Variants in MYO18B observed in about 807,000 individuals in gnomAD.
The protein encoded by MYO18B is myosin XVIIIB, also known as unconventional myosin-XVIIIb.
Under a neutral mutation model 273.0 loss-of-function variants are expected in MYO18B, and 204 were observed. The ratio of observed to expected loss-of-function variants is 0.75; its 90% CI spans 0.67 to 0.84. The LOEUF is 0.84. MYO18B is among the 40% of genes least tolerant of loss of function. The pLI is 0.00. For synonymous variants in MYO18B, 1,330 were observed against 1,305.7 expected, an observed-to-expected ratio of 1.02 and a Z score of -0.40; for missense variants, 3,212 against 3,287.6, an observed-to-expected ratio of 0.98 and a Z score of 0.56.
intron 40 of MYO18B, among the ~76,000 whole-genome samples, chr22:25,996,831 G>T (rs1365938951): frequency 1.3e-5 from 2 of 152,130 alleles, no homozygotes; most frequent in African/African-American, 4.8e-5. Flanking sequence ...TGTCCCCCGG[G>T]AAGGTAGATG....
intron 42 of MYO18B, among the ~76,000 whole-genome samples, chr22:26,021,745 G>A (rs1290216421): frequency 6.6e-6 from 1 of 152,220 alleles, no homozygotes; most frequent in African/African-American, 2.4e-5. Context: ...TGCCAGCTGT[G>A]TGTGCTTGCA....
intron 39 of MYO18B, among the ~76,000 whole-genome samples, chr22:25,956,296 A>G (rs1260383336): frequency 6.6e-6 from 1 of 150,910 alleles, no homozygotes; most frequent in Non-Finnish European, 1.5e-5. Flanking sequence ...GCTCACTATA[A>G]TCTCCATCTC....
intron 20 of MYO18B, among the ~76,000 whole-genome samples, chr22:25,850,432 A>G (rs539591348): frequency 6.6e-6 from 1 of 152,218 alleles, no homozygotes; most frequent in East Asian, 1.9e-4. Context: ...AGGTGAATTC[A>G]TCTCTCTGGG....
intron 27 of MYO18B, 67 bp downstream of exon 27, chr22:25,891,479 C>A (rs1175984359): frequency 2.7e-6 from 3 of 1,099,324 alleles, no homozygotes; most frequent in South Asian, 2.8e-5. Flanking sequence ...TTTATTCAGT[C>A]ACTCATAGAG....
chr22:26,005,875 T>TCTGC (rs1335531730), intron 42 of MYO18B, among the ~76,000 whole-genome samples: 6 of 152,024 alleles, frequency 3.9e-5, no homozygotes, highest in Non-Finnish European at 8.8e-5. Context: ...TGTCTGCAGA[T>TCTGC]AATCTTAGGC....
At chr22:25,824,693 GA>G (rs2089422159) in intron 13 of MYO18B, among the ~76,000 whole-genome samples, 1 of 152,070 alleles carries the variant, frequency 6.6e-6, no homozygotes, top group African/African-American at 2.4e-5. Context: ...ATGTCACTTG[GA>G]CCCCATTGGC....
Position 26,027,520 on chromosome 22 carries a change from G to C in MYO18B, c.7546G>C (p.Val2516Leu). ...SDSSSSSGSI[V>L]SFKSADSIKS... is the part of the protein sequence containing the mutation. The stretch of plus-strand genomic sequence containing the variant: ...CTCGTCCTCATCCTCCGGCTCCATC[G>C]TGTCCTTCAAAAGTGCTGACAGCAT... The change falls in exon 43 of 44, where the codon GTG (valine) becomes CTG (leucine). Residue 2516 changes from valine (V) to leucine (L), a missense_variant. Val to Leu is a conservative substitution (Grantham distance 32, BLOSUM62 1). Coordinates refer to ENST00000335473, the MANE Select transcript of MYO18B (RefSeq NM_032608.7). The surrounding 1 kb of genome is among the most constrained non-coding windows in gnomAD (Gnocchi z 4.1). 1 of 1,613,956 alleles carries C rather than the reference G, an allele frequency of 6.2e-7. No homozygotes were observed. The highest frequency in any genetic ancestry group is 8.5e-7 in the Non-Finnish European group (1 of 1,179,892).
At chr22:26,024,907 A>G (rs995169568) in intron 42 of MYO18B, among the ~76,000 whole-genome samples, 1 of 152,208 alleles carries the variant, frequency 6.6e-6, no homozygotes, top group Non-Finnish European at 1.5e-5. Flanking sequence ...AGGCTGGGAA[A>G]TCTAAGATCA....
At chr22:25,818,932 C>T (rs935177738) in intron 12 of MYO18B, among the ~76,000 whole-genome samples, 3 of 152,052 alleles carry the variant, frequency 2.0e-5, no homozygotes, top group Non-Finnish European at 2.9e-5. Flanking sequence ...TGGCTTTGTG[C>T]GACAAACTGG....
intron 42 of MYO18B, among the ~76,000 whole-genome samples, chr22:26,021,057 C>T (rs1476396549): frequency 6.6e-6 from 1 of 152,134 alleles, no homozygotes; most frequent in African/African-American, 2.4e-5. Flanking sequence ...CCACTGCTCT[C>T]CAGCCTGGGT....
chr22:25,790,005 T>C (rs1201410432), intron 11 of MYO18B, among the ~76,000 whole-genome samples: 3 of 152,028 alleles, frequency 2.0e-5, no homozygotes, highest in Non-Finnish European at 4.4e-5. Flanking sequence ...ATACAAAAAT[T>C]AGCCGGACGT....
chr22:25,992,581 C>T (rs955657065), intron 40 of MYO18B, 88 bp downstream of exon 40: 47 of 1,560,422 alleles, frequency 3.0e-5, no homozygotes, highest in Non-Finnish European at 4.0e-5. Flanking sequence ...GCTGGGGCCA[C>T]ATTCACTGGG....
At chr22:25,830,444 C>G (rs1377752781) in intron 15 of MYO18B, among the ~76,000 whole-genome samples, 1 of 152,146 alleles carries the variant, frequency 6.6e-6, no homozygotes, top group Admixed American at 6.5e-5. Flanking sequence ...CAGGATGGTT[C>G]TTGAGCTTGT....
intron 34 of MYO18B, among the ~76,000 whole-genome samples, chr22:25,925,224 G>T (rs2092402458): frequency 6.6e-6 from 1 of 151,064 alleles, no homozygotes; most frequent in South Asian, 2.1e-4. Context: ...TCTGGATTCT[G>T]CCCCCTCCCC....
At chr22:26,031,420 C>A (rs148915264), downstream of MYO18B, among the ~76,000 whole-genome samples, 832 of 152,272 alleles carry the variant, frequency 5.5e-3, 10 homozygotes, top group African/African-American at 0.019. Context: ...GGCCTCTCTC[C>A]GTAGCTGGTA....
At chr22:25,905,857 G>A (rs1292297025) in intron 31 of MYO18B, among the ~76,000 whole-genome samples, 2 of 151,946 alleles carry the variant, frequency 1.3e-5, no homozygotes, top group African/African-American at 4.8e-5. Flanking sequence ...TCTTTAAAGG[G>A]CATGGATGAC....
At chr22:25,979,935 C>T (rs969798836) in intron 39 of MYO18B, among the ~76,000 whole-genome samples, 9 of 152,152 alleles carry the variant, frequency 5.9e-5, no homozygotes, top group African/African-American at 2.2e-4. Context: ...TACAAAGCCC[C>T]TTCCTCACCA....
At chr22:25,767,957 T>C (rs537189547) in intron 3 of MYO18B, among the ~76,000 whole-genome samples, 158 bp from the exon 4 acceptor site, 1 of 152,338 alleles carries the variant, frequency 6.6e-6, no homozygotes, top group African/African-American at 2.4e-5. Context: ...TCAAGGGTGC[T>C]AGGCTTGGCC....
At chr22:25,756,141 G>A (rs1205695041) in intron 1 of MYO18B, among the ~76,000 whole-genome samples, 1 of 152,186 alleles carries the variant, frequency 6.6e-6, no homozygotes, top group East Asian at 1.9e-4. Flanking sequence ...TGATCCGCCT[G>A]CCTCAGCCTC....
Sources: gnomAD v4.1 joint callset for allele counts (sites outside exome capture counted in the v4.1 genomes callset) on GRCh38, gnomAD v4.1.1 for gene constraint, Gnocchi (gnomAD v3.1) non-coding constraint, MANE v1.5 for transcripts, NCBI Gene and HGNC (gene_info 2026-07-23, HGNC 2026-07-21) for gene names.